The following CCDC178 variants were observed in gnomAD, a reference collection of about 807,000 sequenced individuals.
The protein encoded by CCDC178 is coiled-coil domain containing 178, also known as coiled-coil domain-containing protein 178.
A neutral mutation model predicts 117.4 loss-of-function variants in CCDC178; 126 were observed. The observed-to-expected ratio is 1.07, with a 90% CI of 0.93 to 1.24. The LOEUF (loss-of-function observed/expected upper bound fraction) is 1.24. Among genes scored for constraint, CCDC178 ranks in the 50% most tolerant of loss-of-function variants. The pLI, the probability that CCDC178 is intolerant of heterozygous loss-of-function variation, is 0.00. For missense variants in CCDC178, 1,030 were observed against 986.9 expected, an observed-to-expected ratio of 1.04 and a Z score of -0.59; for synonymous variants, 283 against 313.4, an observed-to-expected ratio of 0.90 and a Z score of 1.02.
At chr18:33,054,724 G>T (rs1263381721) in intron 21 of CCDC178, among the ~76,000 whole-genome samples, 3 of 152,338 alleles carry the variant, frequency 2.0e-5, no homozygotes, top group African/African-American at 7.2e-5. Flanking sequence ...GAGTGCTGCA[G>T]TGAACATATG....
At chr18:33,239,612 A>C (rs564451062) in intron 15 of CCDC178, among the ~76,000 whole-genome samples, 91 of 152,112 alleles carry the variant, frequency 6.0e-4, no homozygotes, top group African/African-American at 2.1e-3. Context: ...AAAAGAGACA[A>C]AGGAAAACAT....
intron 18 of CCDC178, among the ~76,000 whole-genome samples, chr18:33,219,288 G>A (rs1291812346): frequency 2.0e-5 from 3 of 152,106 alleles, no homozygotes; most frequent in South Asian, 4.1e-4. Flanking sequence ...AGGTGCTGGA[G>A]AGGATGTGGA....
intron 14 of CCDC178, among the ~76,000 whole-genome samples, chr18:33,253,732 T>C (rs2059643827): frequency 6.6e-6 from 1 of 151,840 alleles, no homozygotes; most frequent in Non-Finnish European, 1.5e-5. Context: ...AAGACTTACC[T>C]AACGGAAGAG....
chr18:33,051,771 T>A (rs756533800), intron 21 of CCDC178, among the ~76,000 whole-genome samples: 1 of 152,194 alleles, frequency 6.6e-6, no homozygotes, highest in Non-Finnish European at 1.5e-5. Context: ...TCCTTAGATA[T>A]ATTTTTAAAC....
intron 9 of CCDC178, among the ~76,000 whole-genome samples, chr18:33,338,644 G>A (rs1037758810): frequency 2.6e-5 from 4 of 152,058 alleles, no homozygotes; most frequent in African/African-American, 9.7e-5. Flanking sequence ...AGTAACCCAG[G>A]AATAGAAAAC....
At chr18:32,938,902 GT>G (rs1259132358) in intron 22 of CCDC178, among the ~76,000 whole-genome samples, 2 of 152,102 alleles carry the variant, frequency 1.3e-5, no homozygotes, top group African/African-American at 4.8e-5. Flanking sequence ...CTGTAACTGT[GT>G]GCTCTGATTT....
chr18:33,017,689 T>G (rs141046583), intron 21 of CCDC178, among the ~76,000 whole-genome samples: 1,897 of 152,084 alleles, frequency 0.012, 38 homozygotes, highest in African/African-American at 0.044. Context: ...TTTCAAAACT[T>G]GCTACAAAGT....
chr18:33,355,982 G>A (rs1032163150), intron 7 of CCDC178, among the ~76,000 whole-genome samples: 18 of 152,112 alleles, frequency 1.2e-4, no homozygotes, highest in African/African-American at 4.3e-4. Context: ...ATGCCACAGT[G>A]CTCTCTTAAT....
At chr18:32,940,769 T>C (rs1391170342) in intron 22 of CCDC178, among the ~76,000 whole-genome samples, 1 of 152,094 alleles carries the variant, frequency 6.6e-6, no homozygotes, top group Non-Finnish European at 1.5e-5. Context: ...TTAAAATGTT[T>C]ATAGGACTAT....
intron 8 of CCDC178, among the ~76,000 whole-genome samples, chr18:33,347,074 G>A (rs1006629711): frequency 2.0e-5 from 3 of 151,908 alleles, no homozygotes; most frequent in South Asian, 2.1e-4. Flanking sequence ...AGCCCATTAC[G>A]TTCCGGGAAC....
chr18:33,043,498 C>T (rs904372643), intron 21 of CCDC178, among the ~76,000 whole-genome samples: 11 of 152,052 alleles, frequency 7.2e-5, no homozygotes, highest in Non-Finnish European at 1.5e-4. Flanking sequence ...ACTTACATCA[C>T]TCTGTAAGTT....
chr18:33,292,330 T>C (rs775789059), intron 12 of CCDC178, among the ~76,000 whole-genome samples: 5 of 151,926 alleles, frequency 3.3e-5, no homozygotes, highest in Non-Finnish European at 5.9e-5. Flanking sequence ...CACAGAAAAA[T>C]GAATACCATA....
At chr18:33,127,832 C>T (rs117785927) in intron 20 of CCDC178, among the ~76,000 whole-genome samples, 3,054 of 152,198 alleles carry the variant, frequency 0.02, 52 homozygotes, top group South Asian at 0.062. Context: ...CCTCAAACAA[C>T]CCTATCTGCT....
chr18:33,306,446 G>GTACATA, intron 11 of CCDC178, among the ~76,000 whole-genome samples: 1 of 142,454 alleles, frequency 7.0e-6, no homozygotes, highest in Non-Finnish European at 1.5e-5. Context: ...GTGTGTGTGT[G>GTACATA]TGTACATATG....
intron 10 of CCDC178, among the ~76,000 whole-genome samples, chr18:33,326,341 A>G (rs1219847327): frequency 6.6e-6 from 1 of 152,080 alleles, no homozygotes; most frequent in Admixed American, 6.6e-5. Context: ...GTGGAATGTG[A>G]GGGCCCAGGA....
At chr18:33,031,934 T>C (rs909342636) in intron 21 of CCDC178, among the ~76,000 whole-genome samples, 1 of 152,136 alleles carries the variant, frequency 6.6e-6, no homozygotes, top group Non-Finnish European at 1.5e-5. Flanking sequence ...GAACTACTAC[T>C]ACATAGACCA....
chr18:33,297,852 T>C (rs1224767806), intron 11 of CCDC178, among the ~76,000 whole-genome samples: 2 of 151,974 alleles, frequency 1.3e-5, no homozygotes, highest in Non-Finnish European at 2.9e-5. Flanking sequence ...CCATCCTGGC[T>C]AACACGGTGA....
chr18:33,110,311 G>T (rs531606725), intron 20 of CCDC178, among the ~76,000 whole-genome samples: 2 of 151,542 alleles, frequency 1.3e-5, no homozygotes, highest in South Asian at 4.1e-4. Flanking sequence ...TTGGACATAT[G>T]TATCTAAAGT....
At chr18:32,986,569 T>C (rs2055268437) in intron 21 of CCDC178, among the ~76,000 whole-genome samples, 1 of 152,090 alleles carries the variant, frequency 6.6e-6, no homozygotes, top group Non-Finnish European at 1.5e-5. Context: ...AAGAGATATT[T>C]TAGATAAACT....
Sources: gnomAD v4.1 joint callset for allele counts (sites outside exome capture counted in the v4.1 genomes callset) on GRCh38, gnomAD v4.1.1 for gene constraint, MANE v1.5 for transcripts, NCBI Gene and HGNC (gene_info 2026-07-23, HGNC 2026-07-21) for gene names.